Variants in ANO3 observed in about 807,000 individuals in gnomAD.
The protein encoded by ANO3 is anoctamin 3.
A neutral mutation model predicts 144.8 loss-of-function variants in ANO3; 99 were observed. The observed-to-expected ratio is 0.68, with a 90% confidence interval of 0.58 to 0.81. The LOEUF is 0.81. ANO3 is among the 30% of genes least tolerant of loss of function. The pLI is 0.00. For missense variants in ANO3, 905 were observed against 1,202.2 expected (o/e 0.75, Z 3.66); for synonymous variants, 414 against 392.6 (o/e 1.05, Z -0.64).
chr11:26,516,801 G>A, intron 5 of ANO3, 26 bp from the exon 6 acceptor site: 1 of 1,493,104 alleles, frequency 6.7e-7, no homozygotes, highest in African/African-American at 1.4e-5. Flanking sequence ...TCTAAATAAT[G>A]TTGCCTATCT....
intron 14 of ANO3, among the ~76,000 whole-genome samples, chr11:26,592,777 G>C (rs937230890): frequency 6.6e-6 from 1 of 151,724 alleles, no homozygotes; most frequent in Non-Finnish European, 1.5e-5. Context: ...CTAAGTGAAA[G>C]GTTTGGTGAA....
chr11:26,345,587 T>C (rs1855479077), intron 1 of ANO3, among the ~76,000 whole-genome samples: 1 of 152,138 alleles, frequency 6.6e-6, no homozygotes, highest in South Asian at 2.1e-4. Flanking sequence ...ATATCCTTGA[T>C]GTGAATTGTA....
chr11:26,518,288 A>G (rs917550462), intron 6 of ANO3, among the ~76,000 whole-genome samples: 1 of 152,058 alleles, frequency 6.6e-6, no homozygotes, highest in African/African-American at 2.4e-5. Flanking sequence ...AATATACAAT[A>G]TTAATAATAT....
intron 1 of ANO3, among the ~76,000 whole-genome samples, chr11:26,246,008 C>T (rs1590213775): frequency 6.6e-6 from 1 of 152,130 alleles, no homozygotes; most frequent in African/African-American, 2.4e-5. Flanking sequence ...TTGTTTTCCT[C>T]TTTGATGAGT....
At chr11:26,317,536 C>T (rs1013527341) in intron 1 of ANO3, among the ~76,000 whole-genome samples, 3 of 152,022 alleles carry the variant, frequency 2.0e-5, no homozygotes, top group Non-Finnish European at 4.4e-5. Context: ...ATTACAGAAA[C>T]GCAAATCAAA....
At chr11:26,369,617 CT>C (rs1035948534) in intron 1 of ANO3, among the ~76,000 whole-genome samples, 4 of 152,028 alleles carry the variant, frequency 2.6e-5, no homozygotes, top group African/African-American at 9.7e-5. Context: ...CCAGTTTAAG[CT>C]TTTTTTCAAC....
rs1369048014 is a variant in ANO3 at position 26,427,124 on chromosome 11, C to T, written c.47-14794C>T. On this transcript the variant is annotated intron_variant, in intron 1 of 26. Transcript: ENST00000256737. ...TTCATCAAGGGAGTCACCTCTATGT[C>T]ATTTTACTAAGGACAAATACCTAAA... is the stretch of plus-strand genomic sequence containing the variant. 3.6e-5 allele frequency: 7 copies of T among 195,950 alleles called. No individual in the cohort carries two copies. The East Asian group carries it at 8.4e-4, about 23-fold the overall frequency. 12.1% of individuals were successfully genotyped at this position (195,950 alleles called of 1,614,324 possible).
intron 14 of ANO3, among the ~76,000 whole-genome samples, chr11:26,597,088 T>G (rs1489784950): frequency 2.0e-5 from 3 of 151,954 alleles, no homozygotes; most frequent in African/African-American, 7.3e-5. Context: ...TAGGACAGAA[T>G]AGCAAGTGAA....
chr11:26,372,626 G>C (rs1002943147), intron 1 of ANO3, among the ~76,000 whole-genome samples: 5 of 152,000 alleles, frequency 3.3e-5, no homozygotes, highest in Non-Finnish European at 7.4e-5. Flanking sequence ...TGATTTGCTA[G>C]GATGCACCAG....
intron 1 of ANO3, among the ~76,000 whole-genome samples, chr11:26,405,288 G>T (rs1857251451): frequency 6.6e-6 from 1 of 151,536 alleles, no homozygotes; most frequent in East Asian, 1.9e-4. Flanking sequence ...GTCACCTTTG[G>T]ATATCATAGT....
At chr11:26,239,388 CT>C (rs1852607258) in intron 1 of ANO3, among the ~76,000 whole-genome samples, 1 of 152,092 alleles carries the variant, frequency 6.6e-6, no homozygotes, top group South Asian at 2.1e-4. Flanking sequence ...TGGATCATAA[CT>C]GTGGTTCAAA....
chr11:26,636,393 A>G (rs1852959098), intron 20 of ANO3, among the ~76,000 whole-genome samples: 1 of 152,236 alleles, frequency 6.6e-6, no homozygotes, highest in Non-Finnish European at 1.5e-5. Flanking sequence ...CTACAACTAT[A>G]TAATATCTCA....
chr11:26,455,629 T>C (rs1449452635), intron 3 of ANO3, among the ~76,000 whole-genome samples: 2 of 152,106 alleles, frequency 1.3e-5, no homozygotes, highest in African/African-American at 4.8e-5. Flanking sequence ...ATCAATATTG[T>C]GAAAATGGCC....
chr11:26,305,978 G>C (rs561751387), upstream of ANO3, among the ~76,000 whole-genome samples: 1 of 152,224 alleles, frequency 6.6e-6, no homozygotes, highest in East Asian at 1.9e-4. Flanking sequence ...TCTTAAGACA[G>C]AGTCTCGCTT....
At chr11:26,363,064 T>C (rs79942178) in intron 1 of ANO3, among the ~76,000 whole-genome samples, 10,729 of 152,244 alleles carry the variant, frequency 0.07, 667 homozygotes, top group African/African-American at 0.17. Context: ...CCTCAGTTGG[T>C]TGGCATAATT....
At chr11:26,434,900 GT>G (rs1858240580) in intron 1 of ANO3, among the ~76,000 whole-genome samples, 1 of 152,144 alleles carries the variant, frequency 6.6e-6, no homozygotes, top group Non-Finnish European at 1.5e-5. Context: ...ACATTCTGTT[GT>G]TTTGGGGTGG....
intron 14 of ANO3, among the ~76,000 whole-genome samples, chr11:26,567,953 A>T (rs293975): frequency 0.11 from 16,102 of 151,984 alleles, 939 homozygotes; most frequent in African/African-American, 0.12. Context: ...AGCTACAATG[A>T]TACGATTGGG....
chr11:26,230,323 A>C (rs1316136759), intron 1 of ANO3, among the ~76,000 whole-genome samples: 1 of 152,200 alleles, frequency 6.6e-6, no homozygotes, highest in African/African-American at 2.4e-5. Flanking sequence ...ACTTGTCAAC[A>C]AGAACAAGTC....
At chr11:26,637,572 C>T (rs1171440614) in intron 20 of ANO3, among the ~76,000 whole-genome samples, 1 of 152,150 alleles carries the variant, frequency 6.6e-6, no homozygotes, top group African/African-American at 2.4e-5. Flanking sequence ...ATTACTCTGC[C>T]TCAGTCATTC....
Sources: allele counts gnomAD v4.1 joint callset (sites outside exome capture counted in the v4.1 genomes callset), GRCh38; gene constraint gnomAD v4.1.1; transcripts MANE v1.5; gene names NCBI Gene and HGNC (gene_info 2026-07-23, HGNC 2026-07-21).